Variants in WDR33 observed in about 807,000 individuals in gnomAD.
WDR33 encodes the protein WD repeat domain 33.
WDR33 carries 47 observed loss-of-function variants against 164.9 expected under a neutral mutation model. The observed-to-expected ratio is 0.29, with a 90% CI of 0.23 to 0.36. WDR33 has a LOEUF of 0.36. Ranked by LOEUF, WDR33 falls within the 10% of genes least tolerant of loss-of-function variation. WDR33 has a pLI of 1.00. For missense variants in WDR33, 1,137 were observed against 1,754.1 expected (o/e 0.65, Z 6.28); for synonymous variants, 505 against 589.0 (o/e 0.86, Z 2.06).
chr2:127,801,272 G>A (rs1689231495), intron 1 of WDR33, among the ~76,000 whole-genome samples: 1 of 152,028 alleles, frequency 6.6e-6, no homozygotes, highest in Admixed American at 6.6e-5. Flanking sequence ...AACAGAAGGA[G>A]ACCTTTTCTC....
intron 7 of WDR33, among the ~76,000 whole-genome samples, chr2:127,740,346 TAC>T (rs71307275): frequency 0.15 from 22,533 of 149,372 alleles, 2,328 homozygotes; most frequent in African/African-American, 0.3. Flanking sequence ...TGTATTTCTC[TAC>T]ACACACACAC....
chr2:127,768,047 C>A, intron 4 of WDR33, 142 bp downstream of exon 4: 1 of 506,752 alleles, frequency 2.0e-6, no homozygotes, highest in Non-Finnish European at 3.2e-6. Context: ...CTGGATATTC[C>A]AAAATAAAAT....
Position 127,726,288 on chromosome 2 carries a change from T to C in WDR33, c.851+363A>G, listed in dbSNP as rs569762491. ...CCCTCTCGAAACAGATGTTGTGAGA[T>C]GGAGAAGGCTGGGCCGTGTCTAGTA... On this transcript the variant is annotated intron_variant, in intron 8 of 21. Transcript: ENST00000322313. The surrounding 1 kb of genome is among the most constrained non-coding windows in gnomAD (Gnocchi z 4.8). Among the ~76,000 whole-genome samples, 111 of 152,294 alleles carry C rather than the reference T, an allele frequency of 7.3e-4. No individual in the cohort carries two copies. The highest frequency in any genetic ancestry group is 1.1e-3 in the Non-Finnish European group (78 of 68,022).
rs754638633 is a variant in WDR33 at position 127,706,523 on chromosome 2, C to A, written c.3811G>T (p.Val1271Leu). ...GRGGPGPAQRVPKSGRSSSLD... is the reference protein window; with the variant it reads ...GRGGPGPAQRLPKSGRSSSLD... Reference sequence around the variant, plus strand: ...GAGCTGGAACGCCCAGATTTGGGCACTCTCTGAGCAGGTCCTGGGCCCCCT... The same window carrying A: ...GAGCTGGAACGCCCAGATTTGGGCAATCTCTGAGCAGGTCCTGGGCCCCCT... The change falls in exon 22 of 22, where the codon GTG (valine) becomes TTG (leucine). Residue 1271 changes from valine to leucine, a missense_variant. Val to Leu is a conservative substitution (Grantham distance 32). Transcript: ENST00000322313. The surrounding 1 kb of genome is among the most constrained non-coding windows in gnomAD (Gnocchi z 5.1). 4.2e-5 allele frequency: 68 copies of A among 1,612,644 alleles called. No individual in the cohort carries two copies. The highest frequency in any genetic ancestry group is 5.6e-5 in the Non-Finnish European group (66 of 1,179,406).
rs547519421 is a variant in WDR33 at position 127,736,098 on chromosome 2, G to A, written c.725-9321C>T. 4 of 985,326 alleles carry A rather than the reference G, an allele frequency of 4.1e-6. No homozygotes were observed. The South Asian group carries it at 1.9e-4, about 46-fold the overall frequency. The allele number at this position is 985,326 out of a possible 1,614,324, so 61.0% of individuals were successfully genotyped here. A position where few individuals can be genotyped will look rare whatever the true frequency, so the allele number is the denominator to read the frequency against. ...TGGGTAAGTTTCTTTCCCAGTCTGA[G>A]AGCCTTCAGTCCTTTCAATATGTAC... On this transcript the variant is annotated intron_variant, in intron 7 of 21. Transcript: ENST00000322313.
At chr2:127,754,254 T>C (rs1687453028) in intron 7 of WDR33, among the ~76,000 whole-genome samples, 1 of 152,204 alleles carries the variant, frequency 6.6e-6, no homozygotes, top group African/African-American at 2.4e-5. Context: ...TTTCAGACTT[T>C]AGGTCTGCCC....
Position 127,741,710 on chromosome 2 carries a change from T to TTA in WDR33, c.725-14935_725-14934dup, listed in dbSNP as rs1374211454. Among the ~76,000 whole-genome samples, 2 of 152,040 alleles carry TTA rather than the reference T, an allele frequency of 1.3e-5. No homozygotes were observed. The highest frequency in any genetic ancestry group is 4.8e-5 in the African/African-American group (2 of 41,402). ...GTACCAGGAAAGAGAAAAATACAGA[T>TTA]TATATGACTTTAGGGAAAACAAACA... is the stretch of plus-strand genomic sequence containing the variant. On this transcript the variant is annotated intron_variant, in intron 7 of 21. Coordinates refer to ENST00000322313, the MANE Select transcript of WDR33 (RefSeq NM_018383.5). The surrounding 1 kb of genome is among the most constrained non-coding windows in gnomAD (Gnocchi z 4.1).
At position 127,726,594 on chromosome 2, in the gene WDR33, G is replaced by C. The variant is rs1686578475; in HGVS notation, c.851+57C>G. The C allele has an allele frequency of 6.3e-7, 1 of 1,587,976 alleles. No individual in the cohort carries two copies. Among genetic ancestry groups the C allele is most frequent in the Admixed American group, 1.8e-5 (1 of 54,730 alleles). ...GAGAAAACAAAGCTAAAAGTTAAAG[G>C]ACACACTGCTTTGCTCCCCTTTGTT... On this transcript the variant is annotated intron_variant, in intron 8 of 21. Coordinates refer to ENST00000322313, the MANE Select transcript of WDR33 (RefSeq NM_018383.5). The surrounding 1 kb of genome is among the most constrained non-coding windows in gnomAD (Gnocchi z 4.8).
intron 7 of WDR33, among the ~76,000 whole-genome samples, chr2:127,749,491 G>A (rs1413783834): frequency 2.0e-5 from 3 of 151,530 alleles, no homozygotes; most frequent in South Asian, 2.1e-4. Context: ...GTGAAACCCC[G>A]TCTCTACTAA....
At chr2:127,740,697 G>A (rs969750112) in intron 7 of WDR33, among the ~76,000 whole-genome samples, 1 of 152,184 alleles carries the variant, frequency 6.6e-6, no homozygotes, top group Non-Finnish European at 1.5e-5. Flanking sequence ...AAAAATGATG[G>A]AACTTGGGAG....
chr2:127,732,377 C>A (rs1043370338), intron 7 of WDR33, among the ~76,000 whole-genome samples: 5 of 151,418 alleles, frequency 3.3e-5, no homozygotes, highest in Non-Finnish European at 5.9e-5. Context: ...GCACAGGAGG[C>A]GGAGGCTGCA....
At position 127,714,912 on chromosome 2, in the gene WDR33, TC is replaced by T. The variant is rs1686261777; in HGVS notation, c.2870-892del. On this transcript the variant is annotated intron_variant, in intron 17 of 21. Transcript: ENST00000322313. The surrounding 1 kb of genome is among the most constrained non-coding windows in gnomAD (Gnocchi z 4.3). ...TTAAAAGTAGGTAGCGAAAGGATACTCTTGATTCTAAAAACAAAAACTGTGT... is the reference window on the plus strand; with the variant it reads ...TTAAAAGTAGGTAGCGAAAGGATACTTTGATTCTAAAAACAAAAACTGTGT... Among the ~76,000 whole-genome samples, 1 of 152,094 alleles carries T rather than the reference TC, an allele frequency of 6.6e-6. No homozygotes were observed. Among genetic ancestry groups the T allele is most frequent in the Non-Finnish European group, 1.5e-5 (1 of 68,002 alleles).
intron 1 of WDR33, among the ~76,000 whole-genome samples, chr2:127,798,201 C>G (rs1689107282): frequency 6.7e-6 from 1 of 150,348 alleles, no homozygotes; most frequent in Admixed American, 6.6e-5. Flanking sequence ...AACCCTGTCT[C>G]TACTGAAAAT....
At position 127,712,704 on chromosome 2, in the gene WDR33, TTTAA is replaced by T. The variant is rs1220316674; in HGVS notation, c.3308+875_3308+878del. 1.5e-4 allele frequency among the ~76,000 whole-genome samples: 23 copies of T among 152,268 alleles called. No homozygotes were observed. Among genetic ancestry groups the T allele is most frequent in the Admixed American group, 1.3e-3 (20 of 15,290 alleles). On this transcript the variant is annotated intron_variant, in intron 18 of 21. Transcript: ENST00000322313. This position sits in a 1 kb window ranked among gnomAD's most constrained non-coding sequence, Gnocchi z 4.0. ...TACAAAATACTCAATTATCATCATCTTTAATTATTCTGAGTCTCACTTGAGATTT... is the reference window on the plus strand; with the variant it reads ...TACAAAATACTCAATTATCATCATCTTTATTCTGAGTCTCACTTGAGATTT...
At chr2:127,747,594 G>A (rs932126697) in intron 7 of WDR33, among the ~76,000 whole-genome samples, 18 of 152,040 alleles carry the variant, frequency 1.2e-4, no homozygotes, top group African/African-American at 3.9e-4. Context: ...AATTCTATAC[G>A]CCAGTGGCAA....
rs1685993243 is a variant in WDR33 at position 127,705,674 on chromosome 2, G to C, written c.*649C>G. On this transcript the variant is annotated 3_prime_UTR_variant, in exon 22 of 22. Coordinates refer to ENST00000322313, the MANE Select transcript of WDR33 (RefSeq NM_018383.5). This position sits in a 1 kb window ranked among gnomAD's most constrained non-coding sequence, Gnocchi z 4.5. ...AGAGTACAATTTTCCATCTGTCAGA[G>C]CATGTCTGAATAAAAATTTGAACCT... 1 of 152,202 alleles carries C rather than the reference G, an allele frequency of 6.6e-6. No homozygotes were observed. The highest frequency in any genetic ancestry group is 1.5e-5 in the Non-Finnish European group (1 of 68,018). The allele number at this position is 152,202 out of a possible 1,614,324, so 9.4% of individuals were successfully genotyped here. A position where few individuals can be genotyped will look rare whatever the true frequency, so the allele number is the denominator to read the frequency against.
At chr2:127,753,048 TC>T (rs966081168) in intron 7 of WDR33, among the ~76,000 whole-genome samples, 1 of 152,224 alleles carries the variant, frequency 6.6e-6, no homozygotes, top group Non-Finnish European at 1.5e-5. Context: ...TGCCTCAGCC[TC>T]CCGAGAAGCT....
chr2:127,796,058 T>C (rs550699917), intron 1 of WDR33, among the ~76,000 whole-genome samples: 58 of 149,610 alleles, frequency 3.9e-4, no homozygotes, highest in Non-Finnish European at 7.1e-4. Flanking sequence ...GTATTAATAT[T>C]AGGTGATTAC....
In WDR33 at chr2:127,701,773, G is replaced by C; in HGVS notation, c.*4550C>G. 1 of 1,429,226 alleles carries C rather than the reference G, an allele frequency of 7.0e-7. No homozygotes were observed. The highest frequency in any genetic ancestry group is 9.2e-7 in the Non-Finnish European group (1 of 1,091,446). The allele number at this position is 1,429,226 out of a possible 1,614,324, so 88.5% of individuals were successfully genotyped here. ...GGGCAGCGGCTGGCGGCGGGCGGCGGGTGCCTGCTGCTGGCTGCACTGTGT... is the reference window on the plus strand; with the variant it reads ...GGGCAGCGGCTGGCGGCGGGCGGCGCGTGCCTGCTGCTGGCTGCACTGTGT... On this transcript the variant is annotated 3_prime_UTR_variant, in exon 22 of 22. Coordinates refer to ENST00000322313, the MANE Select transcript of WDR33 (RefSeq NM_018383.5).
Sources: gnomAD v4.1 joint callset for allele counts (sites outside exome capture counted in the v4.1 genomes callset) on GRCh38, gnomAD v4.1.1 for gene constraint, Gnocchi (gnomAD v3.1) non-coding constraint, MANE v1.5 for transcripts, NCBI Gene and HGNC (gene_info 2026-07-23, HGNC 2026-07-21) for gene names.